The following NDUFAF5 variants were observed in gnomAD, a reference collection of about 807,000 sequenced individuals.
The protein encoded by NDUFAF5 is NADH:ubiquinone oxidoreductase complex assembly factor 5, also known as arginine-hydroxylase NDUFAF5, mitochondrial.
NDUFAF5 carries 34 observed loss-of-function variants against 48.9 expected under a neutral mutation model. The observed-to-expected ratio is 0.70, with a 90% CI of 0.53 to 0.93. The LOEUF (loss-of-function observed/expected upper bound fraction) is 0.93. Ranked by LOEUF, NDUFAF5 falls within the 40% of genes least tolerant of loss-of-function variation. The pLI is 0.00. For synonymous variants in NDUFAF5, 153 were observed against 150.6 expected (o/e 1.02, Z -0.12); for missense variants, 428 against 427.5 (o/e 1.00, Z -0.01).
At chr20:13,797,337 G>A (rs1020267170) in intron 5 of NDUFAF5, among the ~76,000 whole-genome samples, 1 of 152,208 alleles carries the variant, frequency 6.6e-6, no homozygotes. Flanking sequence ...AAATTTGGAA[G>A]CAGCCAAGAT....
chr20:13,808,808 T>C (rs1305127298), intron 7 of NDUFAF5, 34 bp from the exon 8 acceptor site: 2 of 1,407,264 alleles, frequency 1.4e-6, no homozygotes, highest in Admixed American at 3.4e-5. Context: ...GTATCATGAA[T>C]GTCAAATGAA....
At chr20:13,792,145 G>A (rs956212418) in intron 3 of NDUFAF5, among the ~76,000 whole-genome samples, 2 of 152,226 alleles carry the variant, frequency 1.3e-5, no homozygotes, top group African/African-American at 4.8e-5. Context: ...GTGAGAGACA[G>A]GGATAGATAA....
intron 2 of NDUFAF5, 127 bp downstream of exon 2, chr20:13,787,479 T>G: frequency 1.1e-6 from 1 of 896,388 alleles, no homozygotes; most frequent in East Asian, 2.4e-5. Context: ...GTGATTTAAA[T>G]CACTCTGTAA....
chr20:13,808,256 C>T (rs1460734647), intron 7 of NDUFAF5, among the ~76,000 whole-genome samples: 7 of 152,132 alleles, frequency 4.6e-5, no homozygotes, highest in Non-Finnish European at 1.0e-4. Flanking sequence ...ATTTGGGGAG[C>T]ATCAGTGGTC....
chr20:13,786,323 A>G (rs1981113035), intron 1 of NDUFAF5, among the ~76,000 whole-genome samples: 4 of 152,208 alleles, frequency 2.6e-5, no homozygotes, highest in Admixed American at 1.3e-4. Context: ...TTTACTACCA[A>G]TAAATTTTTT....
chr20:13,792,062 C>G (rs1166207584), intron 3 of NDUFAF5, among the ~76,000 whole-genome samples: 2 of 152,196 alleles, frequency 1.3e-5, no homozygotes, highest in African/African-American at 4.8e-5. Flanking sequence ...TGCCTATACC[C>G]TGAAGTCTAA....
At chr20:13,788,106 C>A (rs565236788) in intron 2 of NDUFAF5, among the ~76,000 whole-genome samples, 1 of 152,030 alleles carries the variant, frequency 6.6e-6, no homozygotes, top group Non-Finnish European at 1.5e-5. Flanking sequence ...GAACCTGGTA[C>A]GTTTTCAGTA....
At position 13,789,326 on chromosome 20, in the gene NDUFAF5, T is replaced by C. The variant is rs145412388; in HGVS notation, c.327+674T>C. 6.6e-5 allele frequency among the ~76,000 whole-genome samples: 10 copies of C among 151,938 alleles called. No individual in the cohort carries two copies. In the East Asian group the frequency reaches 1.9e-3, roughly 29 times the overall value. ...ATTATGGGGGTGCACCACTATGCCCTGCTAATTTTTGTATTTTTGGTAGAG... is the reference window on the plus strand; with the variant it reads ...ATTATGGGGGTGCACCACTATGCCCCGCTAATTTTTGTATTTTTGGTAGAG... On this transcript the variant is annotated intron_variant, in intron 3 of 10. Transcript: ENST00000378106.
chr20:13,802,687 A>AG (rs1984377658), intron 7 of NDUFAF5, among the ~76,000 whole-genome samples: 2 of 151,426 alleles, frequency 1.3e-5, no homozygotes, highest in South Asian at 2.1e-4. Context: ...AAAAAAAAAA[A>AG]AAAGCAAATG....
intron 5 of NDUFAF5, among the ~76,000 whole-genome samples, chr20:13,797,975 T>C (rs2147531614): frequency 1.3e-5 from 2 of 152,326 alleles, no homozygotes; most frequent in South Asian, 4.1e-4. Flanking sequence ...ATTCAAACTT[T>C]TGATGAGTTA....
chr20:13,791,425 G>A (rs1982263947), intron 3 of NDUFAF5, among the ~76,000 whole-genome samples: 3 of 152,200 alleles, frequency 2.0e-5, no homozygotes, highest in Admixed American at 6.5e-5. Context: ...GGAGGCTATA[G>A]TTCTTATTTG....
intron 7 of NDUFAF5, chr20:13,803,288 T>C (rs1388913772): frequency 6.6e-6 from 1 of 152,136 alleles, no homozygotes; most frequent in Non-Finnish European, 1.5e-5. Flanking sequence ...TGTTGATCTT[T>C]TGTTAACTTT....
Position 13,793,244 on chromosome 20 carries a change from T to C in NDUFAF5, c.375+17T>C. ...AATGCTTTGGTAGGTAGCTTTTTAA[T>C]ACTGTTGGTTTCTAATCTCGTGATG... On this transcript the variant is annotated intron_variant, in intron 4 of 10. Coordinates refer to ENST00000378106, the MANE Select transcript of NDUFAF5 (RefSeq NM_024120.5). 6.3e-7 allele frequency: 1 copy of C among 1,595,070 alleles called. No homozygotes were observed. The highest frequency in any genetic ancestry group is 8.6e-7 in the Non-Finnish European group (1 of 1,163,176).
chr20:13,812,859 C>T (rs1417252643), intron 8 of NDUFAF5: 1 of 152,112 alleles, frequency 6.6e-6, no homozygotes, highest in Non-Finnish European at 1.5e-5. Context: ...TTTTAACCAC[C>T]ATCCTGAACA....
rs918813119 is a variant in NDUFAF5, at chr20:13,818,444, T to G, written c.*1234T>G. 4.4e-4 allele frequency: 52 copies of G among 118,152 alleles called. 1 individual carries two copies. Among genetic ancestry groups the G allele is most frequent in the African/African-American group, 1.4e-3 (34 of 23,616 alleles). The allele number at this position is 118,152 out of a possible 1,614,324, so 7.3% of individuals were successfully genotyped here. A position where few individuals can be genotyped will look rare whatever the true frequency, so the allele number is the denominator to read the frequency against. On this transcript the variant is annotated 3_prime_UTR_variant, in exon 11 of 11. Transcript: ENST00000378106. ...GAATTTGGCGTTTTGTTTTTTGGGG[T>G]TTTTTTTTTTTTTAGCTTAATTTTC...
intron 8 of NDUFAF5, among the ~76,000 whole-genome samples, chr20:13,812,604 A>T (rs1408384446): frequency 6.6e-6 from 1 of 152,224 alleles, no homozygotes; most frequent in Non-Finnish European, 1.5e-5. Context: ...ATTTCAACAT[A>T]TGAGCAGCAC....
chr20:13,788,788 T>A (rs998522829), intron 3 of NDUFAF5, 136 bp downstream of exon 3: 3 of 616,056 alleles, frequency 4.9e-6, no homozygotes, highest in Non-Finnish European at 8.4e-6. Context: ...TTTTTTTTTT[T>A]AAGTGGTAGA....
chr20:13,811,739 GA>G (rs1447436652), intron 8 of NDUFAF5, among the ~76,000 whole-genome samples: 1 of 152,202 alleles, frequency 6.6e-6, no homozygotes, highest in Non-Finnish European at 1.5e-5. Flanking sequence ...GGATGCTGGA[GA>G]AGCAGTTTCC....
chr20:13,785,776 C>A (rs1032645494), intron 1 of NDUFAF5, among the ~76,000 whole-genome samples: 16 of 152,078 alleles, frequency 1.1e-4, no homozygotes, highest in African/African-American at 3.9e-4. Flanking sequence ...TAAAATAGCT[C>A]ATTAAGAGCT....
Sources: gnomAD v4.1 joint callset for allele counts (sites outside exome capture counted in the v4.1 genomes callset) on GRCh38, gnomAD v4.1.1 for gene constraint, MANE v1.5 for transcripts, NCBI Gene and HGNC (gene_info 2026-07-23, HGNC 2026-07-21) for gene names.